DPP10: variants seen among roughly 807,000 people sequenced by gnomAD.
The protein encoded by DPP10 is inactive dipeptidyl peptidase 10.
In DPP10, 33 loss-of-function variants were observed where a neutral mutation model predicts 120.9. The observed-to-expected ratio is 0.27, with a 90% CI of 0.21 to 0.37. The LOEUF (loss-of-function observed/expected upper bound fraction) is 0.37. DPP10 is among the 10% of genes least tolerant of loss of function. The pLI, the probability that DPP10 is intolerant of heterozygous loss-of-function variation, is 1.00. For missense variants in DPP10, 816 were observed against 942.8 expected, an observed-to-expected ratio of 0.87 and a Z score of 1.76; for synonymous variants, 337 against 326.1, an observed-to-expected ratio of 1.03 and a Z score of -0.36.
intron 3 of DPP10, among the ~76,000 whole-genome samples, chr2:115,470,567 A>G (rs1328748269): frequency 6.6e-6 from 1 of 152,180 alleles, no homozygotes; most frequent in Non-Finnish European, 1.5e-5. Context: ...AAAAAACTCC[A>G]TCCAGAAGAG....
At chr2:115,788,320 C>T (rs1011663190) in intron 17 of DPP10, among the ~76,000 whole-genome samples, 10 of 151,926 alleles carry the variant, frequency 6.6e-5, no homozygotes, top group South Asian at 2.1e-4. Flanking sequence ...GGTTTAAAAT[C>T]GATAATCTCC....
intron 1 of DPP10, among the ~76,000 whole-genome samples, chr2:114,448,947 A>G (rs1051458204): frequency 2.0e-5 from 3 of 152,200 alleles, no homozygotes; most frequent in Non-Finnish European, 2.9e-5. Context: ...GTAAGGTGTT[A>G]CTCAACATGT....
intron 5 of DPP10, among the ~76,000 whole-genome samples, chr2:115,610,087 C>T (rs2083988654): frequency 6.6e-6 from 1 of 152,014 alleles, no homozygotes; most frequent in African/African-American, 2.4e-5. Flanking sequence ...CTGAGTCTCT[C>T]ATAAGGTTAA....
At chr2:115,529,464 T>G (rs888327008) in intron 5 of DPP10, among the ~76,000 whole-genome samples, 29 of 151,878 alleles carry the variant, frequency 1.9e-4, no homozygotes, top group Admixed American at 6.6e-5. Context: ...CAAAAGTTTT[T>G]TTTTTTTTTT....
intron 1 of DPP10, among the ~76,000 whole-genome samples, chr2:114,864,879 A>G (rs1247696929): frequency 6.6e-6 from 1 of 152,174 alleles, no homozygotes; most frequent in East Asian, 1.9e-4. Flanking sequence ...TCACAAAGCC[A>G]TTTTCACAGT....
intron 5 of DPP10, among the ~76,000 whole-genome samples, chr2:115,597,506 GA>G (rs552340037): frequency 6.7e-6 from 1 of 149,586 alleles, no homozygotes; most frequent in Non-Finnish European, 1.5e-5. Flanking sequence ...TCCAAAAAGA[GA>G]AAAAACATAA....
At chr2:115,384,585 G>A (rs34865237) in intron 3 of DPP10, among the ~76,000 whole-genome samples, 116,348 of 146,500 alleles carry the variant, frequency 0.79, 46,242 homozygotes, top group Non-Finnish European at 0.83. Context: ...AGGAAGAGGA[G>A]GAAAAGGAAG....
chr2:115,751,090 T>C (rs1277075529), intron 10 of DPP10, among the ~76,000 whole-genome samples: 1 of 152,158 alleles, frequency 6.6e-6, no homozygotes, highest in African/African-American at 2.4e-5. Flanking sequence ...TTTTGCAGTC[T>C]TTGGTTAGTT....
At chr2:115,254,709 C>T (rs753772612) in intron 1 of DPP10, among the ~76,000 whole-genome samples, 2 of 152,110 alleles carry the variant, frequency 1.3e-5, no homozygotes, top group African/African-American at 2.4e-5. Context: ...GGGAAATTGG[C>T]CAAAACAGAG....
chr2:115,367,882 A>G (rs2065171689), intron 3 of DPP10, among the ~76,000 whole-genome samples: 1 of 152,006 alleles, frequency 6.6e-6, no homozygotes, highest in African/African-American at 2.4e-5. Flanking sequence ...AAAAATACTC[A>G]TTATTCTAGG....
intron 1 of DPP10, among the ~76,000 whole-genome samples, chr2:114,495,367 G>A (rs1289844026): frequency 6.6e-6 from 1 of 152,100 alleles, no homozygotes; most frequent in African/African-American, 2.4e-5. Flanking sequence ...CATCCCAGTT[G>A]ACTAAAGTTT....
chr2:114,451,737 T>G (rs1355974589), intron 1 of DPP10, among the ~76,000 whole-genome samples: 5 of 152,096 alleles, frequency 3.3e-5, no homozygotes, highest in Non-Finnish European at 5.9e-5. Context: ...CGGCAAAGCT[T>G]AAATGCAATA....
intron 1 of DPP10, among the ~76,000 whole-genome samples, chr2:115,268,753 CT>C (rs1229525560): frequency 6.6e-6 from 1 of 152,194 alleles, no homozygotes; most frequent in Non-Finnish European, 1.5e-5. Context: ...TTTCCATCTT[CT>C]GGTAACTTCT....
intron 5 of DPP10, among the ~76,000 whole-genome samples, chr2:115,664,650 T>C (rs1575472839): frequency 6.6e-6 from 1 of 152,216 alleles, no homozygotes; most frequent in Non-Finnish European, 1.5e-5. Flanking sequence ...ACAGTTGGTA[T>C]TTAGCTGCTG....
chr2:114,471,328 C>G (rs552676051), intron 1 of DPP10, among the ~76,000 whole-genome samples: 1 of 152,072 alleles, frequency 6.6e-6, no homozygotes, highest in African/African-American at 2.4e-5. Context: ...GTCAAGAGAC[C>G]ATTTGCTTCT....
chr2:115,032,419 AAAAT>A (rs1403796741), intron 1 of DPP10, among the ~76,000 whole-genome samples: 2 of 152,232 alleles, frequency 1.3e-5, no homozygotes, highest in Non-Finnish European at 1.5e-5. Flanking sequence ...AAAGTCTTTG[AAAAT>A]AAATATTTGC....
rs910588629 is a variant in DPP10 at position 115,107,291 on chromosome 2, C to T, written c.61-201948C>T. On this transcript the variant is annotated intron_variant, in intron 1 of 25. Coordinates refer to ENST00000410059, the MANE Select transcript of DPP10 (RefSeq NM_020868.6). ...TCAGTCTAATTAAGTATATACAAAACTGAATTTCCTTAAAATACTGAAACT... is the reference window on the plus strand; with the variant it reads ...TCAGTCTAATTAAGTATATACAAAATTGAATTTCCTTAAAATACTGAAACT... Among the ~76,000 whole-genome samples the T allele has an allele frequency of 2.0e-5, 3 of 151,746 alleles. No homozygotes were observed. In the East Asian group the frequency reaches 5.8e-4, roughly 29 times the overall value.
chr2:114,532,896 CA>C (rs982758139), intron 1 of DPP10, among the ~76,000 whole-genome samples: 1 of 152,118 alleles, frequency 6.6e-6, no homozygotes. Context: ...GGGATATGAT[CA>C]GGGGTATTCT....
intron 1 of DPP10, among the ~76,000 whole-genome samples, chr2:114,708,250 G>A (rs1431983031): frequency 6.6e-6 from 1 of 152,104 alleles, no homozygotes; most frequent in Non-Finnish European, 1.5e-5. Flanking sequence ...TGCAGCTGAG[G>A]GACACCAAAA....
Sources: allele counts gnomAD v4.1 joint callset (sites outside exome capture counted in the v4.1 genomes callset), GRCh38; gene constraint gnomAD v4.1.1; transcripts MANE v1.5; gene names NCBI Gene and HGNC (gene_info 2026-07-23, HGNC 2026-07-21).